Variants in SCFD2 observed in about 807,000 individuals in gnomAD.
The protein encoded by SCFD2 is sec1 family domain-containing protein 2.
A neutral mutation model predicts 58.9 loss-of-function variants in SCFD2; 54 were observed. The observed-to-expected ratio is 0.92, with a 90% CI of 0.74 to 1.15. The LOEUF (loss-of-function observed/expected upper bound fraction) is 1.15, where lower values mean the gene tolerates loss of function less well. Among genes scored for constraint, SCFD2 ranks in the 50% most tolerant of loss-of-function variants. The pLI, the probability that SCFD2 is intolerant of heterozygous loss-of-function variation, is 0.00. For synonymous variants in SCFD2, 321 were observed against 335.9 expected (o/e 0.96, Z 0.49); for missense variants, 805 against 836.6 (o/e 0.96, Z 0.47).
intron 5 of SCFD2, among the ~76,000 whole-genome samples, chr4:52,924,079 C>G (rs1719806606): frequency 6.6e-6 from 1 of 152,144 alleles, no homozygotes; most frequent in Non-Finnish European, 1.5e-5. Flanking sequence ...AAAAGTCAAT[C>G]CAGCTAAATA....
intron 7 of SCFD2, among the ~76,000 whole-genome samples, chr4:52,897,280 ATTGGCTGTGGGT>A (rs1169666070): frequency 1.3e-5 from 2 of 152,170 alleles, no homozygotes; most frequent in Non-Finnish European, 2.9e-5. Context: ...TCAGTATGAT[ATTGGCTGTGGGT>A]TTGTCATAGA....
chr4:53,144,856 T>C (rs1321937130), intron 5 of SCFD2, among the ~76,000 whole-genome samples: 5 of 152,160 alleles, frequency 3.3e-5, no homozygotes, highest in Non-Finnish European at 7.3e-5. Context: ...TCTAATCCTA[T>C]AGGCCAGGGG....
At position 53,333,993 on chromosome 4, in the gene SCFD2, T is replaced by A. The variant is rs867951713; in HGVS notation, c.1007+18605A>T. Reference sequence around the variant, plus strand: ...GACATTTATGCAGCCAAAAAACACATGAAAAAATGCTCATTATCACTGGCC... The same window carrying A: ...GACATTTATGCAGCCAAAAAACACAAGAAAAAATGCTCATTATCACTGGCC... On this transcript the variant is annotated intron_variant, in intron 2 of 8. Transcript: ENST00000401642. 2.0e-3 allele frequency among the ~76,000 whole-genome samples: 306 copies of A among 150,416 alleles called. 3 individuals carry two copies. The highest frequency in any genetic ancestry group is 0.01 in the Middle Eastern group (3 of 292).
chr4:53,237,326 T>C (rs1729660025), intron 4 of SCFD2, among the ~76,000 whole-genome samples: 1 of 151,768 alleles, frequency 6.6e-6, no homozygotes, highest in South Asian at 2.1e-4. Flanking sequence ...GCCATTGTCA[T>C]CCTGGCCCGT....
At chr4:53,325,535 A>C (rs945310502) in intron 2 of SCFD2, among the ~76,000 whole-genome samples, 1 of 95,916 alleles carries the variant, frequency 1.0e-5, no homozygotes, top group Non-Finnish European at 2.3e-5. Context: ...ACATTTTATC[A>C]ATGCAAATGG....
intron 5 of SCFD2, among the ~76,000 whole-genome samples, chr4:53,054,603 A>C (rs1440863325): frequency 6.6e-6 from 1 of 152,044 alleles, no homozygotes; most frequent in African/African-American, 2.4e-5. Context: ...AGACAGATGA[A>C]GTAAAGAAAG....
chr4:52,944,892 C>T (rs7696943), intron 5 of SCFD2, among the ~76,000 whole-genome samples: 2 of 152,120 alleles, frequency 1.3e-5, no homozygotes, highest in Admixed American at 1.3e-4. Context: ...GATAATCAAA[C>T]CTTCCATGTC....
chr4:53,179,113 A>G (rs982204352), intron 4 of SCFD2, among the ~76,000 whole-genome samples: 2 of 152,242 alleles, frequency 1.3e-5, no homozygotes, highest in African/African-American at 4.8e-5. Flanking sequence ...CAATCTAGCA[A>G]GGCGGGCCAA....
intron 4 of SCFD2, among the ~76,000 whole-genome samples, chr4:53,150,495 A>T (rs971939748): frequency 6.6e-6 from 1 of 152,206 alleles, no homozygotes; most frequent in Non-Finnish European, 1.5e-5. Flanking sequence ...GCTCTTCTCT[A>T]TTCTTAGAAT....
chr4:52,923,077 T>C (rs945323827), intron 5 of SCFD2, among the ~76,000 whole-genome samples: 3 of 152,150 alleles, frequency 2.0e-5, no homozygotes, highest in African/African-American at 7.2e-5. Flanking sequence ...CAGCTTGTAT[T>C]CTCAGTCACT....
chr4:52,946,265 C>A (rs1459790656), intron 5 of SCFD2, among the ~76,000 whole-genome samples: 2 of 151,774 alleles, frequency 1.3e-5, no homozygotes, highest in South Asian at 2.1e-4. Context: ...GATTATCAGC[C>A]GTGAACATCA....
At chr4:53,283,900 A>G (rs1172383626) in intron 3 of SCFD2, among the ~76,000 whole-genome samples, 2 of 151,910 alleles carry the variant, frequency 1.3e-5, no homozygotes, top group Non-Finnish European at 2.9e-5. Flanking sequence ...GGCGGATCAC[A>G]AGGTCAGGAG....
chr4:53,116,277 C>T (rs74896610), intron 5 of SCFD2, among the ~76,000 whole-genome samples: 2,975 of 152,252 alleles, frequency 0.02, 71 homozygotes, highest in East Asian at 0.11. Flanking sequence ...ATTAAATGTT[C>T]ATAGTGACAA....
chr4:53,024,704 CTT>C (rs374465004), intron 5 of SCFD2, among the ~76,000 whole-genome samples: 50 of 141,818 alleles, frequency 3.5e-4, no homozygotes, highest in Admixed American at 5.6e-4. Flanking sequence ...TGTCTCAGGC[CTT>C]TTTTTTTTTT....
chr4:53,161,843 A>G (rs553880539), intron 4 of SCFD2, among the ~76,000 whole-genome samples: 2 of 152,324 alleles, frequency 1.3e-5, no homozygotes, highest in East Asian at 3.9e-4. Flanking sequence ...ATCAATTACA[A>G]TGATTGAGCA....
At chr4:53,000,403 G>T (rs1190264913) in intron 5 of SCFD2, among the ~76,000 whole-genome samples, 1 of 152,164 alleles carries the variant, frequency 6.6e-6, no homozygotes, top group East Asian at 1.9e-4. Flanking sequence ...TTCCAACTCA[G>T]CAACAAGTGG....
chr4:53,122,720 C>T (rs924549244), intron 5 of SCFD2, among the ~76,000 whole-genome samples: 2 of 152,188 alleles, frequency 1.3e-5, no homozygotes, highest in African/African-American at 4.8e-5. Context: ...TAAGCCCAGT[C>T]TTCCTCATTT....
In SCFD2 at chr4:52,976,262, C is replaced by G. The variant is rs116844601; in HGVS notation, c.1562-55392G>C. Among the ~76,000 whole-genome samples, 223 of 152,288 alleles carry G rather than the reference C, an allele frequency of 1.5e-3. 4 individuals carry two copies. The East Asian group carries it at 0.036, about 25-fold the overall frequency. On this transcript the variant is annotated intron_variant, in intron 5 of 8. Transcript: ENST00000401642. ...AAGTGATAGGAGTAAATTTTAGCTA[C>G]TGCTGCTGAAGGCTGCTATTGTATT...
chr4:53,217,155 ATTAGGTCCAC>A (rs1728871867), intron 4 of SCFD2, among the ~76,000 whole-genome samples: 3 of 152,168 alleles, frequency 2.0e-5, no homozygotes, highest in African/African-American at 7.2e-5. Context: ...GTAGATTTCT[ATTAGGTCCAC>A]TTGGTGCAGA....
Sources: allele counts gnomAD v4.1 joint callset (sites outside exome capture counted in the v4.1 genomes callset), GRCh38; gene constraint gnomAD v4.1.1; transcripts MANE v1.5; gene names NCBI Gene and HGNC (gene_info 2026-07-23, HGNC 2026-07-21).